The following GRAMD4 variants were observed in gnomAD, a reference collection of about 807,000 sequenced individuals.
GRAMD4 encodes GRAM domain-containing protein 4.
A neutral mutation model predicts 83.9 loss-of-function variants in GRAMD4; 25 were observed. The observed-to-expected ratio is 0.30, with a 90% CI of 0.22 to 0.42. The LOEUF (loss-of-function observed/expected upper bound fraction) is 0.42. Ranked by LOEUF, GRAMD4 falls within the 10% of genes least tolerant of loss-of-function variation. The pLI is 1.00. For missense variants in GRAMD4, 593 were observed against 788.7 expected (o/e 0.75, Z 2.97); for synonymous variants, 336 against 320.9 (o/e 1.05, Z -0.50).
intron 7 of GRAMD4, 70 bp downstream of exon 7, chr22:46,663,933 C>G: frequency 6.3e-7 from 1 of 1,587,296 alleles, no homozygotes; most frequent in South Asian, 1.1e-5. Context: ...GGTGGGGACT[C>G]TGGGATTCTG....
chr22:46,585,256 T>A (rs960510811), intron 1 of GRAMD4, among the ~76,000 whole-genome samples: 43 of 151,724 alleles, frequency 2.8e-4, no homozygotes, highest in African/African-American at 9.7e-4. Flanking sequence ...AATGGCGTGA[T>A]CGTGGCTCAT....
chr22:46,676,305 C>T (rs1490454505), intron 17 of GRAMD4, among the ~76,000 whole-genome samples: 3 of 152,204 alleles, frequency 2.0e-5, no homozygotes, highest in Non-Finnish European at 2.9e-5. Flanking sequence ...AGAGCGAGTT[C>T]TGGGGCTGAG....
At position 46,620,654 on chromosome 22, in the gene GRAMD4, G is replaced by GACCACT; in HGVS notation, c.-50+89_-50+90insACCACT. The stretch of plus-strand genomic sequence containing the variant: ...CTTGGGAAAAGCTGCTACTCTCTGG[G>GACCACT]GCAGTGGTCCCAGCTACCACGTGCT... On this transcript the variant is annotated intron_variant, in intron 1 of 18. Transcript: ENST00000406902. The surrounding 1 kb of genome is among the most constrained non-coding windows in gnomAD (Gnocchi z 4.7). 1.6e-5 allele frequency: 6 copies of GACCACT among 372,808 alleles called. No individual in the cohort carries two copies. The highest frequency in any genetic ancestry group is 1.1e-4 in the South Asian group (1 of 9,522). The allele number at this position is 372,808 out of a possible 1,614,324, so 23.1% of individuals were successfully genotyped here. A position where few individuals can be genotyped will look rare whatever the true frequency, so the allele number is the denominator to read the frequency against.
chr22:46,591,829 T>A (rs1334036792), intron 1 of GRAMD4, among the ~76,000 whole-genome samples: 6 of 45,794 alleles, frequency 1.3e-4, no homozygotes, highest in Non-Finnish European at 2.0e-4. Context: ...CGAGACTCTG[T>A]CTCAAAAAAA....
chr22:46,682,386 T>C (rs1006232913), downstream of GRAMD4: 30 of 977,598 alleles, frequency 3.1e-5, no homozygotes, highest in African/African-American at 1.8e-5. Flanking sequence ...AATGATATGA[T>C]GACAGAAAAC....
chr22:46,587,362 G>A (rs1394472768), intron 1 of GRAMD4, among the ~76,000 whole-genome samples: 1 of 152,230 alleles, frequency 6.6e-6, no homozygotes, highest in East Asian at 1.9e-4. Context: ...AGTGTGTGGG[G>A]GTGGGAAGGG....
chr22:46,589,512 T>A (rs1324302428), intron 1 of GRAMD4, among the ~76,000 whole-genome samples: 1 of 151,496 alleles, frequency 6.6e-6, no homozygotes, highest in Non-Finnish European at 1.5e-5. Context: ...GTGGCCCTAT[T>A]ATCTGAAGAC....
chr22:46,620,648 C>T lies in GRAMD4; in HGVS notation c.-50+83C>T. On this transcript the variant is annotated intron_variant, in intron 1 of 18. Transcript: ENST00000406902. This position sits in a 1 kb window ranked among gnomAD's most constrained non-coding sequence, Gnocchi z 4.7. ...CCCAGCCTTGGGAAAAGCTGCTACT[C>T]TCTGGGGCAGTGGTCCCAGCTACCA... is the stretch of plus-strand genomic sequence containing the variant. The T allele has an allele frequency of 2.3e-6, 1 of 426,900 alleles. No individual in the cohort carries two copies. Among genetic ancestry groups the T allele is most frequent in the Non-Finnish European group, 3.1e-6 (1 of 318,268 alleles). The allele number at this position is 426,900 out of a possible 1,614,324, so 26.4% of individuals were successfully genotyped here. A position where few individuals can be genotyped will look rare whatever the true frequency, so the allele number is the denominator to read the frequency against.
At chr22:46,607,115 G>A (rs1328611134) in intron 1 of GRAMD4, among the ~76,000 whole-genome samples, 4 of 152,176 alleles carry the variant, frequency 2.6e-5, no homozygotes, top group Non-Finnish European at 5.9e-5. Flanking sequence ...CCATGGGCGT[G>A]CAGGAGCAGT....
At chr22:46,625,396 C>CCTTG (rs2081642648) in intron 1 of GRAMD4, among the ~76,000 whole-genome samples, 1 of 152,214 alleles carries the variant, frequency 6.6e-6, no homozygotes, top group African/African-American at 2.4e-5. Flanking sequence ...CTGGAGCTGA[C>CCTTG]CTTGCTCTCA....
intron 1 of GRAMD4, among the ~76,000 whole-genome samples, chr22:46,595,565 C>G (rs1221386137): frequency 6.6e-6 from 1 of 152,216 alleles, no homozygotes; most frequent in Non-Finnish European, 1.5e-5. Flanking sequence ...CCCCTCAAGG[C>G]AGCTCAGCCC....
chr22:46,650,036 C>T (rs1382307694), intron 3 of GRAMD4, among the ~76,000 whole-genome samples: 2 of 152,100 alleles, frequency 1.3e-5, no homozygotes, highest in African/African-American at 4.8e-5. Flanking sequence ...GGGAGGTGGC[C>T]AGGTGGGGCC....
intron 1 of GRAMD4, among the ~76,000 whole-genome samples, chr22:46,591,064 G>GAAAAAA (rs1265479387): frequency 1.6e-5 from 2 of 121,282 alleles, no homozygotes; most frequent in Non-Finnish European, 1.7e-5. Flanking sequence ...TGTCTAAAAA[G>GAAAAAA]AAAAAGAAAA....
downstream of GRAMD4, chr22:46,682,420 C>T (rs2082675266): frequency 1.0e-6 from 1 of 985,080 alleles, no homozygotes; most frequent in Admixed American, 6.1e-5. Context: ...GGTAAATCAT[C>T]ATCATAGGAG....
downstream of GRAMD4, chr22:46,682,342 T>A (rs888334703): frequency 2.7e-6 from 2 of 731,222 alleles, no homozygotes; most frequent in African/African-American, 3.8e-5. Context: ...CCATGCACGA[T>A]TGTAAAGAAG....
rs1409515606 is a variant in GRAMD4 at position 46,659,501 on chromosome 22, C to T, written c.404+1194C>T. 2.0e-5 allele frequency among the ~76,000 whole-genome samples: 3 copies of T among 152,252 alleles called. No homozygotes were observed. Among genetic ancestry groups the T allele is most frequent in the African/African-American group, 7.2e-5 (3 of 41,464 alleles). ...GGCACACGGCATCTCTGGGACACCC[C>T]AGCTGAGCACTGCCTGCTATGAGCG... is the stretch of plus-strand genomic sequence containing the variant. On this transcript the variant is annotated intron_variant, in intron 4 of 18. Coordinates refer to ENST00000406902, the MANE Select transcript of GRAMD4 (RefSeq NM_015124.5). This position sits in a 1 kb window ranked among gnomAD's most constrained non-coding sequence, Gnocchi z 4.1.
At chr22:46,577,256 G>A (rs2081050847) in exon 1 of GRAMD4, 1 of 978,368 alleles carries the variant, frequency 1.0e-6, no homozygotes, top group Non-Finnish European at 1.2e-6. Flanking sequence ...GCGCCGCGGC[G>A]GGTGGATGAG....
exon 1 of GRAMD4, chr22:46,577,190 C>T (rs1265450657): frequency 4.1e-6 from 3 of 736,784 alleles, no homozygotes; most frequent in Non-Finnish European, 4.9e-6. Flanking sequence ...TCCCCGGCGC[C>T]GCTGGGCTCC....
At position 46,672,537 on chromosome 22, in the gene GRAMD4, G is replaced by T. The variant is rs1192944003; in HGVS notation, c.1085-306G>T. Among the ~76,000 whole-genome samples, 1 of 151,872 alleles carries T rather than the reference G, an allele frequency of 6.6e-6. No homozygotes were observed. Among genetic ancestry groups the T allele is most frequent in the Non-Finnish European group, 1.5e-5 (1 of 67,950 alleles). ...GAACAGCCCTGAGCCAGGCGGAGTT[G>T]GAGAGAGAAGTGAGGGGCATTGGAT... On this transcript the variant is annotated intron_variant, in intron 13 of 18. Transcript: ENST00000406902. The surrounding 1 kb of genome is among the most constrained non-coding windows in gnomAD (Gnocchi z 4.7).
Sources: gnomAD v4.1 joint callset for allele counts (sites outside exome capture counted in the v4.1 genomes callset) on GRCh38, gnomAD v4.1.1 for gene constraint, Gnocchi (gnomAD v3.1) non-coding constraint, MANE v1.5 for transcripts, NCBI Gene and HGNC (gene_info 2026-07-23, HGNC 2026-07-21) for gene names.